VSTM2L: variants seen among roughly 807,000 people sequenced by gnomAD.
VSTM2L encodes the protein V-set and transmembrane domain containing 2 like.
Under a neutral mutation model 19.9 loss-of-function variants are expected in VSTM2L, and 9 were observed. The observed-to-expected ratio is 0.45, with a 90% CI of 0.27 to 0.79. The LOEUF is 0.79. Among genes scored for constraint, VSTM2L ranks in the 30% least tolerant of loss-of-function variants. VSTM2L has a pLI of 0.15. For synonymous variants in VSTM2L, 127 were observed against 133.8 expected (o/e 0.95, Z 0.35); for missense variants, 286 against 295.5 (o/e 0.97, Z 0.24).
rs575006571 is a variant in VSTM2L at position 37,917,780 on chromosome 20, C to T, written c.122-13855C>T. Among the ~76,000 whole-genome samples the T allele has an allele frequency of 2.8e-3, 432 of 152,252 alleles. 5 individuals are homozygous for T. Among genetic ancestry groups the T allele is most frequent in the Non-Finnish European group, 2.5e-3 (167 of 68,028 alleles). ...CTGAGCTCTGCGGAGCCTGGGGTTG[C>T]GGAGAAGGAGGCTTTGGACTGGATG... is the stretch of plus-strand genomic sequence containing the variant. On this transcript the variant is annotated intron_variant, in intron 1 of 3. Coordinates refer to ENST00000373461, the MANE Select transcript of VSTM2L (RefSeq NM_080607.3).
chr20:37,931,527 C>T, intron 1 of VSTM2L, 108 bp from the exon 2 acceptor site: 1 of 1,253,212 alleles, frequency 8.0e-7, no homozygotes, highest in Non-Finnish European at 1.1e-6. Flanking sequence ...CCCCCTCCAC[C>T]CATCCCCCGC....
At chr20:37,909,370 C>T (rs918170109) in intron 1 of VSTM2L, among the ~76,000 whole-genome samples, 2 of 152,100 alleles carry the variant, frequency 1.3e-5, no homozygotes, top group Non-Finnish European at 2.9e-5. Flanking sequence ...TCTCTCAGTC[C>T]TGAAAGGAGT....
chr20:37,916,542 G>A (rs1342308349), intron 1 of VSTM2L, among the ~76,000 whole-genome samples: 1 of 152,228 alleles, frequency 6.6e-6, no homozygotes, highest in Non-Finnish European at 1.5e-5. Flanking sequence ...GGCCTTGGGA[G>A]GCGCCCTGCT....
intron 3 of VSTM2L, among the ~76,000 whole-genome samples, chr20:37,940,367 G>T (rs1001051678): frequency 6.6e-6 from 1 of 151,986 alleles, no homozygotes; most frequent in Admixed American, 6.5e-5. Flanking sequence ...GTCCTGCCTG[G>T]GTCCCACCTC....
At chr20:37,923,623 G>T (rs1254082050) in intron 1 of VSTM2L, among the ~76,000 whole-genome samples, 2 of 152,206 alleles carry the variant, frequency 1.3e-5, no homozygotes, top group African/African-American at 4.8e-5. Flanking sequence ...GCTGCAAGGA[G>T]TTACCTGAGC....
intron 1 of VSTM2L, among the ~76,000 whole-genome samples, chr20:37,917,304 G>C (rs6021852): frequency 0.27 from 40,910 of 151,598 alleles, 7,155 homozygotes; most frequent in African/African-American, 0.5. Context: ...GACGGTGTGA[G>C]ACTCTGTCTC....
intron 1 of VSTM2L, among the ~76,000 whole-genome samples, chr20:37,906,997 A>G (rs1023991056): frequency 2.0e-5 from 3 of 152,214 alleles, no homozygotes; most frequent in African/African-American, 7.2e-5. Flanking sequence ...TACAGCTTGC[A>G]AGAAGCCTCA....
intron 3 of VSTM2L, among the ~76,000 whole-genome samples, chr20:37,935,024 T>A (rs992638609): frequency 1.3e-5 from 2 of 152,172 alleles, no homozygotes; most frequent in African/African-American, 2.4e-5. Flanking sequence ...TCTGTGTGCA[T>A]ATTAATACCC....
chr20:37,917,012 A>T (rs1035085220), intron 1 of VSTM2L, among the ~76,000 whole-genome samples: 2 of 152,178 alleles, frequency 1.3e-5, no homozygotes, highest in African/African-American at 4.8e-5. Context: ...TCAATTGTCC[A>T]CTTTAAAGTG....
intron 1 of VSTM2L, among the ~76,000 whole-genome samples, chr20:37,922,262 A>G (rs2072856130): frequency 6.6e-6 from 1 of 151,412 alleles, no homozygotes; most frequent in Non-Finnish European, 1.5e-5. Flanking sequence ...ATCACACCAT[A>G]TTTGTCTTTC....
chr20:37,909,093 G>A (rs574886704), intron 1 of VSTM2L, among the ~76,000 whole-genome samples: 4 of 152,318 alleles, frequency 2.6e-5, no homozygotes, highest in African/African-American at 2.4e-5. Flanking sequence ...AGAGGCCCAC[G>A]TCACACAGAG....
intron 1 of VSTM2L, among the ~76,000 whole-genome samples, chr20:37,916,980 T>C (rs948725745): frequency 6.6e-6 from 1 of 152,100 alleles, no homozygotes; most frequent in African/African-American, 2.4e-5. Flanking sequence ...TTGCATCACA[T>C]TGTGAATGCA....
In VSTM2L at chr20:37,944,734, C is replaced by G. The variant is rs913941320; in HGVS notation, c.*481C>G. The G allele has an allele frequency of 1.0e-5, 10 of 987,358 alleles. No homozygotes were observed. Among genetic ancestry groups the G allele is most frequent in the Non-Finnish European group, 1.2e-5 (10 of 831,232 alleles). 61.2% of individuals were successfully genotyped at this position (987,358 alleles called of 1,614,324 possible). On this transcript the variant is annotated 3_prime_UTR_variant, in exon 4 of 4. Transcript: ENST00000373461. ...TCTTCTGAGCAGAACTAGGGCCTCT[C>G]CCCTGGTGAAGACCCAGGGAACCCA...
chr20:37,912,096 C>T (rs1036704389), intron 1 of VSTM2L, among the ~76,000 whole-genome samples: 12 of 152,232 alleles, frequency 7.9e-5, no homozygotes, highest in Non-Finnish European at 1.5e-4. Context: ...GAGGCGGGCC[C>T]TCCCATTTTA....
intron 1 of VSTM2L, among the ~76,000 whole-genome samples, chr20:37,924,944 T>C (rs951661975): frequency 6.6e-6 from 1 of 152,212 alleles, no homozygotes; most frequent in African/African-American, 2.4e-5. Flanking sequence ...CCGTGGATCT[T>C]GGTCACAACT....
At chr20:37,903,889 C>T (rs2072736386) in intron 1 of VSTM2L, among the ~76,000 whole-genome samples, 1 of 152,186 alleles carries the variant, frequency 6.6e-6, no homozygotes. Flanking sequence ...ACTCTGCCAG[C>T]TGGCGCACAC....
intron 3 of VSTM2L, among the ~76,000 whole-genome samples, chr20:37,938,962 T>G (rs1267814176): frequency 2.6e-5 from 4 of 152,024 alleles, no homozygotes; most frequent in African/African-American, 9.7e-5. Flanking sequence ...AGAAGACCGA[T>G]CTGTAGTTTA....
intron 3 of VSTM2L, among the ~76,000 whole-genome samples, chr20:37,940,406 C>T (rs114868133): frequency 0.021 from 3,271 of 152,324 alleles, 111 homozygotes; most frequent in African/African-American, 0.072. Context: ...TTTCCCTCCA[C>T]GTAGGGGACG....
At chr20:37,933,074 C>T (rs148104971) in intron 2 of VSTM2L, among the ~76,000 whole-genome samples, 26 of 152,350 alleles carry the variant, frequency 1.7e-4, no homozygotes, top group African/African-American at 6.3e-4. Flanking sequence ...CGGTTGGAAG[C>T]TTCCAGGGTC....
Sources: allele counts gnomAD v4.1 joint callset (sites outside exome capture counted in the v4.1 genomes callset), GRCh38; gene constraint gnomAD v4.1.1; transcripts MANE v1.5; gene names NCBI Gene and HGNC (gene_info 2026-07-23, HGNC 2026-07-21).